ACSS3: variants seen among roughly 807,000 people sequenced by gnomAD.
The protein encoded by ACSS3 is acyl-CoA synthetase short-chain family member 3, mitochondrial.
ACSS3 carries 64 observed loss-of-function variants against 84.2 expected under a neutral mutation model. The observed-to-expected ratio is 0.76, with a 90% CI of 0.62 to 0.94. The LOEUF (loss-of-function observed/expected upper bound fraction) is 0.94, where lower values mean the gene tolerates loss of function less well. Among genes scored for constraint, ACSS3 ranks in the 40% least tolerant of loss-of-function variants. ACSS3 has a pLI of 0.00. For missense variants in ACSS3, 815 were observed against 867.6 expected (o/e 0.94, Z 0.76); for synonymous variants, 317 against 310.1 (o/e 1.02, Z -0.23).
At chr12:81,128,854 C>T (rs1039060514) in intron 2 of ACSS3, among the ~76,000 whole-genome samples, 7 of 152,122 alleles carry the variant, frequency 4.6e-5, no homozygotes, top group African/African-American at 1.4e-4. Flanking sequence ...GTATCAAATG[C>T]CTTCTGTTTT....
chr12:81,259,562 G>A lies in ACSS3; in HGVS notation c.*4640G>A, dbSNP rs561923456. 3.0e-5 allele frequency: 42 copies of A among 1,408,072 alleles called. No homozygotes were observed. The highest frequency in any genetic ancestry group is 3.5e-4 in the Middle Eastern group (2 of 5,712). The allele number at this position is 1,408,072 out of a possible 1,614,324, so 87.2% of individuals were successfully genotyped here. ...TTTTCAGCTTTTAATAAGTCATGACGTCATTATTTCCTTAGAATTCAGTTT... is the reference window on the plus strand; with the variant it reads ...TTTTCAGCTTTTAATAAGTCATGACATCATTATTTCCTTAGAATTCAGTTT... On this transcript the variant is annotated 3_prime_UTR_variant, in exon 16 of 16. Transcript: ENST00000548058.
chr12:81,175,973 G>T (rs1325140281), intron 8 of ACSS3, among the ~76,000 whole-genome samples: 1 of 152,054 alleles, frequency 6.6e-6, no homozygotes, highest in Non-Finnish European at 1.5e-5. Flanking sequence ...CATTCCCAAA[G>T]CTAGCAGACA....
chr12:81,186,722 T>C (rs897669921), intron 8 of ACSS3, among the ~76,000 whole-genome samples: 3 of 151,720 alleles, frequency 2.0e-5, no homozygotes, highest in Non-Finnish European at 4.4e-5. Flanking sequence ...TGTTGACAAA[T>C]GTGTAGAGTA....
chr12:81,179,809 G>A (rs1167250094), intron 8 of ACSS3, among the ~76,000 whole-genome samples: 3 of 150,440 alleles, frequency 2.0e-5, no homozygotes, highest in South Asian at 2.1e-4. Context: ...GGCAAAGGAC[G>A]TTGCATTAGT....
Position 81,134,941 on chromosome 12 carries a change from C to A in ACSS3, c.582C>A (p.Ile194=), listed in dbSNP as rs1173293914. The A allele has an allele frequency of 5.0e-6, 8 of 1,605,834 alleles. No homozygotes were observed. The highest frequency in any genetic ancestry group is 1.7e-5 in the Admixed American group (1 of 59,034). ...TGGCATGTGCAAGGATAGGTGCCAT[C>A]CACAGTCTCATATTTGGAGGATTTG... is the stretch of plus-strand genomic sequence containing the variant. ...TMLACARIGA[I]HSLIFGGFAS... is the part of the protein sequence containing the mutation. The change falls in exon 3 of 16, where the codon ATC becomes ATA. Residue 194 remains isoleucine (I), a synonymous_variant. Coordinates refer to ENST00000548058, the MANE Select transcript of ACSS3 (RefSeq NM_024560.4).
chr12:81,154,513 G>A (rs6539559), intron 7 of ACSS3, among the ~76,000 whole-genome samples: 94,096 of 152,032 alleles, frequency 0.62, 30,008 homozygotes, highest in Non-Finnish European at 0.7. Flanking sequence ...AAATGTCTTT[G>A]ACTTTCTCTG....
rs143245237 is a variant in ACSS3 at position 81,092,290 on chromosome 12, T to G, written c.311+13859T>G. ...GATGAGAGTCCAGATAGAGTTTAAC[T>G]CTAAAAAACAATGTTACACATCAAG... On this transcript the variant is annotated intron_variant, in intron 1 of 15. Coordinates refer to ENST00000548058, the MANE Select transcript of ACSS3 (RefSeq NM_024560.4). 2.0e-5 allele frequency among the ~76,000 whole-genome samples: 3 copies of G among 152,102 alleles called. No individual in the cohort carries two copies. In the East Asian group the frequency reaches 5.8e-4, roughly 29 times the overall value.
At position 81,249,126 on chromosome 12, in the gene ACSS3, A is replaced by C. The variant is rs999730017; in HGVS notation, c.1720-4181A>C. On this transcript the variant is annotated intron_variant, in intron 13 of 15. Transcript: ENST00000548058. ...GTTGATTAGTTTTTGAAAGCCCAGC[A>C]TTGAGCTAGACATTTAGGAAACTTT... Among the ~76,000 whole-genome samples the C allele has an allele frequency of 2.6e-5, 4 of 152,166 alleles. 1 individual carries two copies. The highest frequency in any genetic ancestry group is 4.4e-5 in the Non-Finnish European group (3 of 67,912).
chr12:81,235,090 T>A (rs529242809), intron 13 of ACSS3, among the ~76,000 whole-genome samples: 2 of 151,446 alleles, frequency 1.3e-5, no homozygotes, highest in Non-Finnish European at 3.0e-5. Context: ...TAAATTTGAG[T>A]TAATTTTTTA....
chr12:81,216,771 C>T (rs533693777), intron 9 of ACSS3, 130 bp from the exon 10 acceptor site: 2 of 532,788 alleles, frequency 3.8e-6, no homozygotes, highest in Admixed American at 6.1e-5. Flanking sequence ...AATATATTTG[C>T]ACTATTCATC....
At chr12:81,095,711 A>G (rs909236338) in intron 1 of ACSS3, among the ~76,000 whole-genome samples, 3 of 152,090 alleles carry the variant, frequency 2.0e-5, no homozygotes, top group African/African-American at 7.2e-5. Flanking sequence ...ACCACTGGCA[A>G]TTCACCTAGC....
At chr12:81,170,079 A>C (rs566539375) in intron 7 of ACSS3, among the ~76,000 whole-genome samples, 25 of 152,274 alleles carry the variant, frequency 1.6e-4, no homozygotes, top group African/African-American at 6.0e-4. Context: ...TCTTAACCTC[A>C]AGACCTGAAG....
At chr12:81,148,598 G>A (rs981673651) in intron 5 of ACSS3, among the ~76,000 whole-genome samples, 8 of 152,030 alleles carry the variant, frequency 5.3e-5, no homozygotes, top group African/African-American at 1.9e-4. Context: ...TCTTTATTCA[G>A]GGCACAGAGT....
intron 3 of ACSS3, among the ~76,000 whole-genome samples, chr12:81,138,849 C>T (rs967700890): frequency 2.6e-5 from 4 of 152,110 alleles, no homozygotes; most frequent in African/African-American, 7.2e-5. Flanking sequence ...GCAAATCCAC[C>T]TGGCTTAATG....
intron 13 of ACSS3, among the ~76,000 whole-genome samples, chr12:81,251,638 C>G (rs1212619860): frequency 7.2e-6 from 1 of 138,148 alleles, no homozygotes; most frequent in Non-Finnish European, 1.5e-5. Context: ...TTGAGACCAG[C>G]CTAGGGAACA....
In ACSS3 at chr12:81,151,585, C is replaced by T. The variant is rs749906460; in HGVS notation, c.922-259C>T. 9.5e-4 allele frequency: 298 copies of T among 313,212 alleles called. 3 individuals are homozygous for T. The highest frequency in any genetic ancestry group is 1.6e-3 in the Admixed American group (34 of 21,348). The allele number at this position is 313,212 out of a possible 1,614,324, so 19.4% of individuals were successfully genotyped here. On this transcript the variant is annotated intron_variant, in intron 5 of 15. Transcript: ENST00000548058. Reference sequence around the variant, plus strand: ...TGTATTGCATGTAATTTTGTGAAATCATGTTTTCTTTAGAAGACTAATAAT... The same window carrying T: ...TGTATTGCATGTAATTTTGTGAAATTATGTTTTCTTTAGAAGACTAATAAT...
rs1201734934 is a variant in ACSS3 at position 81,257,448 on chromosome 12, T to TAATA, written c.*2527_*2530dup. On this transcript the variant is annotated 3_prime_UTR_variant, in exon 16 of 16. Transcript: ENST00000548058. ...AAATGTATCTTTAAAAACAACAATA[T>TAATA]AATATTACTAAAAAATGCAGACATA... 2 of 152,114 alleles carry TAATA rather than the reference T, an allele frequency of 1.3e-5. No homozygotes were observed. The highest frequency in any genetic ancestry group is 2.9e-5 in the Non-Finnish European group (2 of 68,012). 9.4% of individuals were successfully genotyped at this position (152,114 alleles called of 1,614,324 possible).
chr12:81,085,755 A>G (rs1881268128), intron 1 of ACSS3, among the ~76,000 whole-genome samples: 1 of 152,210 alleles, frequency 6.6e-6, no homozygotes. Flanking sequence ...ATTTTTGAGG[A>G]CAAGTAAGAA....
chr12:81,109,872 A>G (rs1274821411), intron 2 of ACSS3, among the ~76,000 whole-genome samples, 168 bp downstream of exon 2: 1 of 152,208 alleles, frequency 6.6e-6, no homozygotes, highest in Non-Finnish European at 1.5e-5. Context: ...ACTCATGTAG[A>G]CAGTTTTTAT....
Sources: gnomAD v4.1 joint callset for allele counts (sites outside exome capture counted in the v4.1 genomes callset) on GRCh38, gnomAD v4.1.1 for gene constraint, MANE v1.5 for transcripts, NCBI Gene and HGNC (gene_info 2026-07-23, HGNC 2026-07-21) for gene names.